The following PLSCR4 variants were observed in gnomAD, a reference collection of about 807,000 sequenced individuals.
PLSCR4 encodes the protein phospholipid scramblase 4, also known as Ca(2+)-dependent phospholipid scramblase 4.
In PLSCR4, 25 loss-of-function variants were observed where a neutral mutation model predicts 36.3. The observed-to-expected ratio is 0.69, with a 90% CI of 0.50 to 0.96. The LOEUF is 0.96. PLSCR4 is among the 40% of genes least tolerant of loss of function. PLSCR4 has a pLI of 0.00. For synonymous variants in PLSCR4, 122 were observed against 132.9 expected, an observed-to-expected ratio of 0.92 and a Z score of 0.56; for missense variants, 408 against 414.7, an observed-to-expected ratio of 0.98 and a Z score of 0.14.
At chr3:146,234,092 T>G (rs2035822227) in intron 1 of PLSCR4, among the ~76,000 whole-genome samples, 1 of 152,082 alleles carries the variant, frequency 6.6e-6, no homozygotes, top group Non-Finnish European at 1.5e-5. Flanking sequence ...TAAATACAAT[T>G]AACCTAAACA....
intron 1 of PLSCR4, among the ~76,000 whole-genome samples, chr3:146,245,225 T>G (rs920375536): frequency 1.3e-5 from 2 of 151,936 alleles, no homozygotes; most frequent in Non-Finnish European, 2.9e-5. Context: ...TTTTAATATA[T>G]CCCCTCCTGG....
At chr3:146,210,528 A>T (rs1236154537) in intron 3 of PLSCR4, among the ~76,000 whole-genome samples, 1 of 152,092 alleles carries the variant, frequency 6.6e-6, no homozygotes, top group Non-Finnish European at 1.5e-5. Flanking sequence ...GTTCTTAGTA[A>T]AATTCCAGAT....
intron 1 of PLSCR4, among the ~76,000 whole-genome samples, chr3:146,244,211 A>G (rs1215682070): frequency 6.6e-6 from 1 of 152,168 alleles, no homozygotes; most frequent in East Asian, 1.9e-4. Context: ...CAACGTACGT[A>G]AACGTTTCAT....
intron 1 of PLSCR4, among the ~76,000 whole-genome samples, chr3:146,225,417 C>T (rs2035410415): frequency 1.5e-5 from 1 of 64,610 alleles, no homozygotes; most frequent in African/African-American, 5.9e-5. Context: ...CTGCCAGTCC[C>T]GTGCCATGCG....
chr3:146,228,765 G>A lies in PLSCR4; in HGVS notation c.-21-6673C>T, dbSNP rs139433175. The stretch of plus-strand genomic sequence containing the variant: ...TTTGTACTACAAAAATTGAGTATTT[G>A]TCTGTATTAGTACAGTACTTCATGG... On this transcript the variant is annotated intron_variant, in intron 1 of 8. Transcript: ENST00000354952. Among the ~76,000 whole-genome samples the A allele has an allele frequency of 8.8e-3, 1,332 of 152,146 alleles. 20 individuals are homozygous for A. Among genetic ancestry groups the A allele is most frequent in the African/African-American group, 0.031 (1,285 of 41,514 alleles).
At chr3:146,233,123 ATAGT>A (rs2035785575) in intron 1 of PLSCR4, among the ~76,000 whole-genome samples, 2 of 152,106 alleles carry the variant, frequency 1.3e-5, no homozygotes, top group Non-Finnish European at 2.9e-5. Context: ...TACATGGGAG[ATAGT>A]TCCTTTGAAT....
In PLSCR4 at chr3:146,214,345, G is replaced by A. The variant is rs1196652618; in HGVS notation, c.118+6470C>T. Among the ~76,000 whole-genome samples, 5 of 11,722 alleles carry A rather than the reference G, an allele frequency of 4.3e-4. 2 individuals carry two copies. Among genetic ancestry groups the A allele is most frequent in the Non-Finnish European group, 1.2e-3 (5 of 4,280 alleles). 7.7% of individuals were successfully genotyped at this position (11,722 alleles called of 152,430 possible). Reference sequence around the variant, plus strand: ...ACCGTTTTTTAGCCGGGATGGTCTCGATCTCCTGACCTCGTGATCCGCCCG... The same window carrying A: ...ACCGTTTTTTAGCCGGGATGGTCTCAATCTCCTGACCTCGTGATCCGCCCG... On this transcript the variant is annotated intron_variant, in intron 3 of 8. Transcript: ENST00000354952.
At chr3:146,198,268 A>G (rs1446419235) in intron 6 of PLSCR4, among the ~76,000 whole-genome samples, 1 of 151,544 alleles carries the variant, frequency 6.6e-6, no homozygotes, top group Non-Finnish European at 1.5e-5. Flanking sequence ...TGGAAACAGG[A>G]ATCTACACAA....
At chr3:146,225,361 T>C (rs2035405999) in intron 1 of PLSCR4, among the ~76,000 whole-genome samples, 1 of 152,240 alleles carries the variant, frequency 6.6e-6, no homozygotes, top group African/African-American at 2.4e-5. Context: ...GGAGCACAGC[T>C]GGCTTCACCT....
rs114100704 is a variant in PLSCR4 at position 146,201,875 on chromosome 3, G to T, written c.355-798C>A. ...CTAGCAGAAGAAAAGAAACCTTCTT[G>T]AGGACACACTGATTATATTTGTATA... On this transcript the variant is annotated intron_variant, in intron 4 of 8. Transcript: ENST00000354952. Among the ~76,000 whole-genome samples, 504 of 152,106 alleles carry T rather than the reference G, an allele frequency of 3.3e-3. 1 individual carries two copies. Among genetic ancestry groups the T allele is most frequent in the African/African-American group, 0.011 (477 of 41,524 alleles).
chr3:146,232,527 T>C (rs910224432), intron 1 of PLSCR4, among the ~76,000 whole-genome samples: 5 of 152,166 alleles, frequency 3.3e-5, no homozygotes, highest in Admixed American at 3.3e-4. Context: ...CAGCAGTGTT[T>C]TGTAATTCTC....
chr3:146,239,478 C>A (rs2867083), intron 1 of PLSCR4, among the ~76,000 whole-genome samples: 113,881 of 147,836 alleles, frequency 0.77, 44,699 homozygotes, highest in Non-Finnish European at 0.86. Flanking sequence ...AAGGAAATGT[C>A]TTTTCAACAA....
chr3:146,202,973 T>C (rs931877094), intron 4 of PLSCR4, among the ~76,000 whole-genome samples: 1 of 152,014 alleles, frequency 6.6e-6, no homozygotes, highest in African/African-American at 2.4e-5. Context: ...CCATCATATC[T>C]GAAATTACTT....
rs1274099541 is a variant in PLSCR4 at position 146,229,433 on chromosome 3, GTTAGCTTCC to G, written c.-21-7350_-21-7342del. ...AATCCCCATAAAAAACCTGACTCTAGTTAGCTTCCTGGTTGGTAAACACATCAATGTGCT... is the reference window on the plus strand; with the variant it reads ...AATCCCCATAAAAAACCTGACTCTAGTGGTTGGTAAACACATCAATGTGCT... On this transcript the variant is annotated intron_variant, in intron 1 of 8. Transcript: ENST00000354952. Among the ~76,000 whole-genome samples, 12 of 151,916 alleles carry G rather than the reference GTTAGCTTCC, an allele frequency of 7.9e-5. No homozygotes were observed. The East Asian group carries it at 2.3e-3, about 29-fold the overall frequency.
chr3:146,218,332 A>T (rs1466890737), intron 3 of PLSCR4, among the ~76,000 whole-genome samples: 1 of 151,998 alleles, frequency 6.6e-6, no homozygotes, highest in Non-Finnish European at 1.5e-5. Context: ...TTATCTCAAG[A>T]ATATTAATCA....
intron 3 of PLSCR4, among the ~76,000 whole-genome samples, chr3:146,210,761 C>T (rs906134399): frequency 6.6e-6 from 1 of 152,036 alleles, no homozygotes; most frequent in Non-Finnish European, 1.5e-5. Flanking sequence ...CTCTTCCCCA[C>T]AGTCCCTGAA....
intron 1 of PLSCR4, among the ~76,000 whole-genome samples, chr3:146,228,517 G>T (rs2035568457): frequency 6.6e-6 from 1 of 152,064 alleles, no homozygotes; most frequent in South Asian, 2.1e-4. Context: ...TTTCCTATTT[G>T]CAGCTAAATG....
chr3:146,198,140 T>C (rs1016362975), intron 6 of PLSCR4, among the ~76,000 whole-genome samples: 5 of 151,950 alleles, frequency 3.3e-5, no homozygotes, highest in African/African-American at 7.3e-5. Flanking sequence ...ATTATAAACA[T>C]AGAGAACAGA....
intron 3 of PLSCR4, among the ~76,000 whole-genome samples, chr3:146,219,843 T>A (rs1199154710): frequency 6.6e-6 from 1 of 152,056 alleles, no homozygotes; most frequent in African/African-American, 2.4e-5. Context: ...CGAAAGCTGA[T>A]GCAGGAGAAT....
Sources: allele counts gnomAD v4.1 joint callset (sites outside exome capture counted in the v4.1 genomes callset), GRCh38; gene constraint gnomAD v4.1.1; transcripts MANE v1.5; gene names NCBI Gene and HGNC (gene_info 2026-07-23, HGNC 2026-07-21).